NPNT: variants seen among roughly 807,000 people sequenced by gnomAD.
NPNT encodes the protein nephronectin.
Under a neutral mutation model 68.6 loss-of-function variants are expected in NPNT, and 45 were observed. That is an observed-to-expected ratio of 0.66 (90% CI 0.52 to 0.84). NPNT has a LOEUF of 0.84. NPNT is among the 40% of genes least tolerant of loss of function. NPNT has a pLI of 0.00. For missense variants in NPNT, 672 were observed against 714.8 expected, an observed-to-expected ratio of 0.94 and a Z score of 0.68; for synonymous variants, 233 against 253.3, an observed-to-expected ratio of 0.92 and a Z score of 0.76.
chr4:105,971,029 G>A lies in NPNT; in HGVS notation c.*2039G>A, dbSNP rs572688016. 7 of 363,228 alleles carry A rather than the reference G, an allele frequency of 1.9e-5. No individual in the cohort carries two copies. The highest frequency in any genetic ancestry group is 6.4e-5 in the Admixed American group (2 of 31,158). 22.5% of individuals were successfully genotyped at this position (363,228 alleles called of 1,614,324 possible). On this transcript the variant is annotated 3_prime_UTR_variant, in exon 12 of 12. Coordinates refer to ENST00000379987, the MANE Select transcript of NPNT (RefSeq NM_001033047.3). Reference sequence around the variant, plus strand: ...TATCTCAGTAATGTCCTAGTGTGGCGGTGGTTTTCAATGTTTCTTCATGTT... The same window carrying A: ...TATCTCAGTAATGTCCTAGTGTGGCAGTGGTTTTCAATGTTTCTTCATGTT...
chr4:105,969,071 T>TA lies in NPNT; in HGVS notation c.*82dup. On this transcript the variant is annotated 3_prime_UTR_variant, in exon 12 of 12. Transcript: ENST00000379987. Reference sequence around the variant, plus strand: ...TCATCTTCTCTCCTCTTCTCCCTTTTATCAGGCCTAGGAGAAGAGTGGGTC... The same window carrying TA: ...TCATCTTCTCTCCTCTTCTCCCTTTTAATCAGGCCTAGGAGAAGAGTGGGTC... 1.1e-6 allele frequency: 1 copy of TA among 948,872 alleles called. No individual in the cohort carries two copies. Among genetic ancestry groups the TA allele is most frequent in the African/African-American group, 1.6e-5 (1 of 61,342 alleles). The allele number at this position is 948,872 out of a possible 1,614,324, so 58.8% of individuals were successfully genotyped here.
chr4:105,962,599 T>G (rs1731806086), intron 10 of NPNT, among the ~76,000 whole-genome samples: 1 of 152,136 alleles, frequency 6.6e-6, no homozygotes, highest in African/African-American at 2.4e-5. Flanking sequence ...AAACCAGCTC[T>G]GAGAGCCTGA....
intron 3 of NPNT, among the ~76,000 whole-genome samples, chr4:105,934,417 G>A (rs532335926): frequency 1.3e-4 from 20 of 152,274 alleles, no homozygotes; most frequent in Admixed American, 5.9e-4. Flanking sequence ...TGTACTTTAG[G>A]AAAAGTCTGA....
At chr4:105,942,136 T>TATATATATATAGAC (rs140603677) in intron 7 of NPNT, among the ~76,000 whole-genome samples, 171 bp from the exon 8 acceptor site, 113 of 147,764 alleles carry the variant, frequency 7.6e-4, no homozygotes, top group African/African-American at 2.7e-3. Flanking sequence ...TATATATATA[T>TATATATATATAGAC]ACACACATAT....
chr4:105,947,911 G>A (rs1230475620), intron 8 of NPNT, among the ~76,000 whole-genome samples: 1 of 152,078 alleles, frequency 6.6e-6, no homozygotes, highest in Non-Finnish European at 1.5e-5. Flanking sequence ...AGATTTATGG[G>A]CAGCTATTTA....
chr4:105,949,985 A>G (rs1419767152), intron 8 of NPNT, among the ~76,000 whole-genome samples: 1 of 152,216 alleles, frequency 6.6e-6, no homozygotes, highest in Admixed American at 6.5e-5. Context: ...CAACTGTACT[A>G]TCGTTGATAA....
At chr4:105,923,856 A>C (rs768632250) in intron 2 of NPNT, among the ~76,000 whole-genome samples, 13 of 152,146 alleles carry the variant, frequency 8.5e-5, no homozygotes, top group Non-Finnish European at 1.8e-4. Flanking sequence ...CACTCAAAAA[A>C]ATAAAAATTT....
rs11941734 is a variant in NPNT at position 105,963,133 on chromosome 4, G to A, written c.1345+4007G>A. Among the ~76,000 whole-genome samples, 755 of 152,190 alleles carry A rather than the reference G, an allele frequency of 5.0e-3. 5 individuals are homozygous for A. The highest frequency in any genetic ancestry group is 0.017 in the African/African-American group (718 of 41,522). On this transcript the variant is annotated intron_variant, in intron 10 of 11. Coordinates refer to ENST00000379987, the MANE Select transcript of NPNT (RefSeq NM_001033047.3). ...CCAGCTACTCAGTAGGCTGAGGCAG[G>A]AGAATCGCTTGAGCCTGGGAGGCAG...
At position 105,924,537 on chromosome 4, in the gene NPNT, C is replaced by T. The variant is rs111586438; in HGVS notation, c.173-2799C>T. Among the ~76,000 whole-genome samples, 522 of 152,226 alleles carry T rather than the reference C, an allele frequency of 3.4e-3. 4 individuals carry two copies. The highest frequency in any genetic ancestry group is 0.012 in the African/African-American group (498 of 41,534). ...GCCTATCAGATGGGAGTGCAAACAA[C>T]AGTTTGTTTTGAAATAGGACTCCCT... is the stretch of plus-strand genomic sequence containing the variant. On this transcript the variant is annotated intron_variant, in intron 2 of 11. Coordinates refer to ENST00000379987, the MANE Select transcript of NPNT (RefSeq NM_001033047.3).
intron 8 of NPNT, among the ~76,000 whole-genome samples, chr4:105,943,244 C>T (rs182307474): frequency 1.6e-4 from 25 of 152,270 alleles, no homozygotes; most frequent in Admixed American, 1.2e-3. Context: ...AGGGATACCT[C>T]GTCAGTCTTT....
At chr4:105,921,585 A>G (rs1017649335) in intron 2 of NPNT, among the ~76,000 whole-genome samples, 1 of 152,184 alleles carries the variant, frequency 6.6e-6, no homozygotes, top group African/African-American at 2.4e-5. Flanking sequence ...GATAATTGAC[A>G]CTATAGTACA....
rs1726002067 is a variant in NPNT at position 105,897,915 on chromosome 4, T to C, written c.86T>C (p.Ile29Thr). 2 of 1,613,368 alleles carry C rather than the reference T, an allele frequency of 1.2e-6. No homozygotes were observed. The highest frequency in any genetic ancestry group is 1.7e-6 in the Non-Finnish European group (2 of 1,179,394). The change falls in exon 2 of 12, where the codon ATA (isoleucine) becomes ACA (threonine). Residue 29 changes from isoleucine to threonine, a missense_variant. Ile to Thr is a moderately conservative substitution (Grantham distance 89). Coordinates refer to ENST00000379987, the MANE Select transcript of NPNT (RefSeq NM_001033047.3). ...AEFDGRWPRQ[I>T]VSSIGLCRYG... ...TTTTTTGGTAGGTGGCCCAGGCAAA[T>C]AGTGTCATCGATTGGCCTATGTCGT...
At chr4:105,959,950 C>T (rs1225008219) in intron 10 of NPNT, among the ~76,000 whole-genome samples, 2 of 151,896 alleles carry the variant, frequency 1.3e-5, no homozygotes, top group African/African-American at 4.8e-5. Context: ...GCTGGGACTA[C>T]AGGCATGTGC....
intron 1 of NPNT, chr4:105,896,063 G>A (rs1457466254): frequency 5.9e-6 from 2 of 339,956 alleles, no homozygotes; most frequent in African/African-American, 2.2e-5. Flanking sequence ...GGTGACGCGC[G>A]AAACATCCCT....
intron 8 of NPNT, among the ~76,000 whole-genome samples, chr4:105,949,636 T>A (rs1010515102): frequency 6.6e-6 from 1 of 152,196 alleles, no homozygotes. Flanking sequence ...TCAGAAAAAC[T>A]TTCTGCAGAA....
At chr4:105,962,141 T>G (rs1731767401) in intron 10 of NPNT, among the ~76,000 whole-genome samples, 1 of 152,190 alleles carries the variant, frequency 6.6e-6, no homozygotes, top group Admixed American at 6.5e-5. Context: ...ATGGACCATC[T>G]CTATAGAAAT....
chr4:105,924,039 G>GC (rs35043121), intron 2 of NPNT, among the ~76,000 whole-genome samples: 9,907 of 140,246 alleles, frequency 0.071, 436 homozygotes, highest in Non-Finnish European at 0.1. Flanking sequence ...CCTTTGCTGC[G>GC]CCCCCCCCCC....
chr4:105,937,129 G>A lies in NPNT; in HGVS notation c.385+1G>A. ...CTCATGCCGGATGGTTCCTGCTCAA[G>A]TATGTCAAGAATCTTAACTGTTTTA... On this transcript the variant is annotated splice_donor_variant, in intron 4 of 11. Coordinates refer to ENST00000379987, the MANE Select transcript of NPNT (RefSeq NM_001033047.3). LOFTEE classifies it high-confidence loss of function. 6.2e-7 allele frequency: 1 copy of A among 1,613,014 alleles called. No individual in the cohort carries two copies. The highest frequency in any genetic ancestry group is 8.5e-7 in the Non-Finnish European group (1 of 1,179,470).
intron 3 of NPNT, among the ~76,000 whole-genome samples, chr4:105,934,868 C>T (rs563881558): frequency 2.6e-5 from 4 of 152,068 alleles, no homozygotes; most frequent in South Asian, 2.1e-4. Flanking sequence ...GGATAAATTT[C>T]GGTCGAAGCC....
Sources: allele counts gnomAD v4.1 joint callset (sites outside exome capture counted in the v4.1 genomes callset), GRCh38; gene constraint gnomAD v4.1.1; transcripts MANE v1.5; gene names NCBI Gene and HGNC (gene_info 2026-07-23, HGNC 2026-07-21).